Variants in DNAH14 observed in about 807,000 individuals in gnomAD.
DNAH14 encodes the protein axonemal beta dynein heavy chain 14.
DNAH14 carries 478 observed loss-of-function variants against 520.9 expected under a neutral mutation model. The observed-to-expected ratio is 0.92, with a 90% confidence interval of 0.85 to 0.99. DNAH14 has a LOEUF of 0.99. Ranked by LOEUF, DNAH14 falls within the 50% of genes least tolerant of loss-of-function variation. The pLI, the probability that DNAH14 is intolerant of heterozygous loss-of-function variation, is 0.00. For synonymous variants in DNAH14, 1,581 were observed against 1,757.2 expected, an observed-to-expected ratio of 0.90 and a Z score of 2.51; for missense variants, 4,831 against 5,234.5, an observed-to-expected ratio of 0.92 and a Z score of 2.38.
chr1:225,166,700 T>A (rs2082077151), intron 35 of DNAH14, among the ~76,000 whole-genome samples: 1 of 152,222 alleles, frequency 6.6e-6, no homozygotes, highest in Non-Finnish European at 1.5e-5. Flanking sequence ...CTTATTTACA[T>A]ATCTGTCTCT....
intron 37 of DNAH14, among the ~76,000 whole-genome samples, chr1:225,190,228 A>C (rs147335201): frequency 1.5e-3 from 227 of 151,572 alleles, no homozygotes; most frequent in African/African-American, 5.2e-3. Flanking sequence ...AACTAATGAA[A>C]TAGAACAATT....
At chr1:225,173,934 A>AG (rs2083009067) in intron 36 of DNAH14, among the ~76,000 whole-genome samples, 3 of 152,252 alleles carry the variant, frequency 2.0e-5, no homozygotes, top group African/African-American at 7.2e-5. Context: ...GCAGGCATAA[A>AG]AAAATGATGA....
chr1:225,079,182 A>G (rs1349150663), intron 17 of DNAH14, 25 bp from the exon 18 acceptor site: 4 of 1,513,930 alleles, frequency 2.6e-6, no homozygotes, highest in Admixed American at 2.4e-5. Context: ...TCATTACACA[A>G]TTATAATTGA....
intron 41 of DNAH14, among the ~76,000 whole-genome samples, chr1:225,221,140 A>G (rs1276808317): frequency 6.6e-6 from 1 of 152,226 alleles, no homozygotes; most frequent in Non-Finnish European, 1.5e-5. Flanking sequence ...CTTACACCTT[A>G]TACAAAAATT....
chr1:225,151,154 A>C (rs1189277716), intron 31 of DNAH14, among the ~76,000 whole-genome samples: 1 of 152,120 alleles, frequency 6.6e-6, no homozygotes, highest in Non-Finnish European at 1.5e-5. Flanking sequence ...AAAAGCAAAA[A>C]TTTTTTCTCT....
chr1:225,332,805 G>A lies in DNAH14; in HGVS notation c.9865-486G>A, dbSNP rs111947906. On this transcript the variant is annotated intron_variant, in intron 65 of 85. Coordinates refer to ENST00000682510, the MANE Select transcript of DNAH14 (RefSeq NM_001367479.1). ...AGGTCAAGAGTTTAAGACCAACCGGGCAATGTAGCAAGATCCTGTCTCTAC... is the reference window on the plus strand; with the variant it reads ...AGGTCAAGAGTTTAAGACCAACCGGACAATGTAGCAAGATCCTGTCTCTAC... Among the ~76,000 whole-genome samples the A allele has an allele frequency of 4.5e-3, 660 of 145,522 alleles. 4 individuals carry two copies. Among genetic ancestry groups the A allele is most frequent in the Non-Finnish European group, 7.7e-3 (515 of 67,156 alleles).
intron 36 of DNAH14, among the ~76,000 whole-genome samples, chr1:225,184,081 G>T (rs2084377980): frequency 6.6e-6 from 1 of 152,044 alleles, no homozygotes; most frequent in South Asian, 2.1e-4. Context: ...TATAAAATCA[G>T]TATTATCCTA....
intron 1 of DNAH14, among the ~76,000 whole-genome samples, chr1:224,930,461 G>A (rs1360817559): frequency 6.6e-6 from 1 of 152,192 alleles, no homozygotes; most frequent in Non-Finnish European, 1.5e-5. Flanking sequence ...TGATGTCATA[G>A]TCAAGGCATT....
At chr1:225,216,461 G>T (rs1446671975) in intron 41 of DNAH14, among the ~76,000 whole-genome samples, 1 of 152,186 alleles carries the variant, frequency 6.6e-6, no homozygotes, top group Non-Finnish European at 1.5e-5. Flanking sequence ...GGTTGTGGAA[G>T]TTCTCCTGGA....
At chr1:225,381,225 C>G (rs2095778377) in intron 80 of DNAH14, among the ~76,000 whole-genome samples, 158 bp from the exon 81 acceptor site, 1 of 152,162 alleles carries the variant, frequency 6.6e-6, no homozygotes, top group Non-Finnish European at 1.5e-5. Flanking sequence ...GGTCCCCATA[C>G]CCTAAAATGT....
intron 17 of DNAH14, among the ~76,000 whole-genome samples, chr1:225,071,759 C>T (rs2071570500): frequency 6.6e-6 from 1 of 152,164 alleles, no homozygotes. Context: ...TTTGTCTTCA[C>T]ATGGTGACAG....
intron 1 of DNAH14, among the ~76,000 whole-genome samples, chr1:224,951,515 T>G (rs2060169127): frequency 1.3e-5 from 2 of 152,120 alleles, no homozygotes; most frequent in Admixed American, 6.5e-5. Flanking sequence ...ATGATCCTTC[T>G]GTGGCCTTTC....
chr1:225,154,505 C>T (rs1396134619), intron 34 of DNAH14, among the ~76,000 whole-genome samples: 1 of 151,962 alleles, frequency 6.6e-6, no homozygotes, highest in Non-Finnish European at 1.5e-5. Context: ...GTGGTACTGG[C>T]TCATGAGTAG....
chr1:224,942,803 C>T (rs141005711), intron 1 of DNAH14, among the ~76,000 whole-genome samples: 2,307 of 152,216 alleles, frequency 0.015, 46 homozygotes, highest in East Asian at 0.053. Context: ...TGCTGGATTA[C>T]ATTTATTGAT....
chr1:225,221,604 C>CA (rs2090055398), intron 41 of DNAH14, among the ~76,000 whole-genome samples: 1 of 152,130 alleles, frequency 6.6e-6, no homozygotes, highest in African/African-American at 2.4e-5. Flanking sequence ...AATGAGATAC[C>CA]ATCTCATGCC....
intron 17 of DNAH14, among the ~76,000 whole-genome samples, chr1:225,074,068 C>T (rs1218204290): frequency 1.0e-4 from 13 of 129,036 alleles, no homozygotes; most frequent in Non-Finnish European, 6.3e-5. Flanking sequence ...AGTGGGATCT[C>T]GGCTCACTGC....
chr1:225,353,185 G>C (rs1045629487), intron 72 of DNAH14, among the ~76,000 whole-genome samples: 4 of 151,932 alleles, frequency 2.6e-5, no homozygotes, highest in African/African-American at 9.7e-5. Flanking sequence ...AGAAATAAGA[G>C]GTAAGTAGAA....
intron 44 of DNAH14, among the ~76,000 whole-genome samples, chr1:225,256,302 C>A (rs1022936385): frequency 6.6e-6 from 1 of 152,012 alleles, no homozygotes; most frequent in South Asian, 2.1e-4. Context: ...AGAATTAGTG[C>A]GCACGTGTTG....
intron 8 of DNAH14, among the ~76,000 whole-genome samples, chr1:224,988,477 G>A (rs887131815): frequency 2.0e-5 from 3 of 152,184 alleles, no homozygotes; most frequent in African/African-American, 7.2e-5. Context: ...AACAGATGCT[G>A]GAAAGGCTGT....
Sources: gnomAD v4.1 joint callset for allele counts (sites outside exome capture counted in the v4.1 genomes callset) on GRCh38, gnomAD v4.1.1 for gene constraint, MANE v1.5 for transcripts, NCBI Gene and HGNC (gene_info 2026-07-23, HGNC 2026-07-21) for gene names.